KIAA1549L: variants seen among roughly 807,000 people sequenced by gnomAD.
KIAA1549L encodes the protein UPF0606 protein KIAA1549L.
Under a neutral mutation model 160.7 loss-of-function variants are expected in KIAA1549L, and 88 were observed. The observed-to-expected ratio is 0.55, with a 90% confidence interval of 0.46 to 0.65. The LOEUF (loss-of-function observed/expected upper bound fraction) is 0.65, where lower values mean the gene tolerates loss of function less well. KIAA1549L is among the 30% of genes least tolerant of loss of function. KIAA1549L has a pLI of 0.00. For synonymous variants in KIAA1549L, 950 were observed against 976.7 expected (o/e 0.97, Z 0.51); for missense variants, 2,258 against 2,437.5 (o/e 0.93, Z 1.55).
In KIAA1549L at chr11:33,543,074, T is replaced by C. The variant is rs370205351; in HGVS notation, c.1511T>C (p.Ile504Thr). Residue 504 changes from isoleucine (I) to threonine (T), a missense_variant, in exon 2 of 21, where the codon ATA becomes ACA. Transcript: ENST00000658780. ...ACTGGGACAGCCGACTTTCCCTCCA[T>C]ACTTACTTTCCTCCAGCCCACAGAG... Reference protein sequence around the residue: ...PSTGTADFPSILTFLQPTENH... With the variant: ...PSTGTADFPSTLTFLQPTENH... The C allele has an allele frequency of 4.0e-5, 64 of 1,613,786 alleles. No homozygotes were observed. The African/African-American group carries it at 7.1e-4, about 18-fold the overall frequency.
chr11:33,422,365 T>C (rs1276800725), intron 1 of KIAA1549L, among the ~76,000 whole-genome samples: 9 of 152,084 alleles, frequency 5.9e-5, no homozygotes, highest in Non-Finnish European at 1.2e-4. Context: ...TTCTTTCCCC[T>C]TTGTCACTTT....
At chr11:33,405,710 C>T (rs558558383) in intron 1 of KIAA1549L, among the ~76,000 whole-genome samples, 15 of 151,644 alleles carry the variant, frequency 9.9e-5, no homozygotes, top group East Asian at 9.7e-4. Context: ...GGCGTGGTGG[C>T]GGGCACCTGT....
rs1290786705 is a variant in KIAA1549L, at chr11:33,510,638, G to A, written c.239-31164G>A. 2.6e-5 allele frequency among the ~76,000 whole-genome samples: 4 copies of A among 152,380 alleles called. No homozygotes were observed. The East Asian group carries it at 7.7e-4, about 29-fold the overall frequency. Reference sequence around the variant, plus strand: ...AGGTAGCCCTGAAAGCAAAGGCATAGTGATGCTGGCGAGGACGTGGATATA... The same window carrying A: ...AGGTAGCCCTGAAAGCAAAGGCATAATGATGCTGGCGAGGACGTGGATATA... On this transcript the variant is annotated intron_variant, in intron 1 of 20. Transcript: ENST00000658780.
chr11:33,653,689 C>T (rs1851960938), intron 17 of KIAA1549L, among the ~76,000 whole-genome samples: 1 of 152,156 alleles, frequency 6.6e-6, no homozygotes, highest in Non-Finnish European at 1.5e-5. Context: ...TTTCCTTCTT[C>T]TCTCCTTTGG....
At chr11:33,428,454 C>T (rs1490288924) in intron 1 of KIAA1549L, among the ~76,000 whole-genome samples, 1 of 151,972 alleles carries the variant, frequency 6.6e-6, no homozygotes, top group Non-Finnish European at 1.5e-5. Flanking sequence ...CCTCCCCATC[C>T]CCCCGCCCAC....
At chr11:33,407,242 G>A (rs534955413) in intron 1 of KIAA1549L, among the ~76,000 whole-genome samples, 6 of 150,658 alleles carry the variant, frequency 4.0e-5, no homozygotes, top group East Asian at 2.0e-4. Context: ...CTGCCACCAC[G>A]CCCGGCTAAT....
intron 1 of KIAA1549L, among the ~76,000 whole-genome samples, chr11:33,541,571 C>G (rs1325738634): frequency 1.3e-5 from 2 of 152,204 alleles, no homozygotes; most frequent in African/African-American, 2.4e-5. Context: ...CAACATCTTG[C>G]CTTAAGCATC....
chr11:33,423,969 C>T (rs928297771), intron 1 of KIAA1549L, among the ~76,000 whole-genome samples: 4 of 151,986 alleles, frequency 2.6e-5, no homozygotes, highest in Non-Finnish European at 4.4e-5. Flanking sequence ...GTTGAGGCTG[C>T]CTTGAGCTGT....
chr11:33,440,993 A>G (rs990591807), intron 1 of KIAA1549L, among the ~76,000 whole-genome samples: 6 of 152,044 alleles, frequency 3.9e-5, no homozygotes, highest in African/African-American at 1.5e-4. Flanking sequence ...ATATGTATAC[A>G]TGTGCCATGT....
Position 33,574,730 on chromosome 11 carries a change from C to A in KIAA1549L, c.4259C>A (p.Pro1420Gln). 6.2e-7 allele frequency: 1 copy of A among 1,612,778 alleles called. No individual in the cohort carries two copies. Among genetic ancestry groups the A allele is most frequent in the South Asian group, 1.1e-5 (1 of 90,890 alleles). Reference sequence around the variant, plus strand: ...GTGAAGATGCAGCGTGTCCCAGGCCCGAAGGACCCAGCGGAGCTGACTTAC... The same window carrying A: ...GTGAAGATGCAGCGTGTCCCAGGCCAGAAGGACCCAGCGGAGCTGACTTAC... ...QMVKMQRVPG[P>Q]KDPAELTYYT... The change falls in exon 10 of 21, where the codon CCG becomes CAG. Residue 1420 changes from proline (P) to glutamine (Q), a missense_variant. Physicochemically the swap from Pro to Gln is moderately conservative, Grantham distance 76. Transcript: ENST00000658780.
intron 9 of KIAA1549L, among the ~76,000 whole-genome samples, chr11:33,570,918 CAG>C (rs1401476071): frequency 1.3e-5 from 2 of 152,122 alleles, no homozygotes; most frequent in Non-Finnish European, 1.5e-5. Context: ...CACTTTCAAA[CAG>C]AGCAACTGGG....
intron 1 of KIAA1549L, among the ~76,000 whole-genome samples, chr11:33,536,530 C>T (rs971371639): frequency 6.6e-6 from 1 of 152,044 alleles, no homozygotes; most frequent in Non-Finnish European, 1.5e-5. Context: ...ATCCCAAGAG[C>T]GAGCATTCCA....
chr11:33,382,966 G>A (rs1165760208), intron 1 of KIAA1549L, among the ~76,000 whole-genome samples: 1 of 152,154 alleles, frequency 6.6e-6, no homozygotes, highest in Non-Finnish European at 1.5e-5. Flanking sequence ...AAAGAAGAAA[G>A]TGTATTAAAT....
intron 1 of KIAA1549L, among the ~76,000 whole-genome samples, chr11:33,477,514 CACACAA>C (rs1217608534): frequency 3.0e-4 from 45 of 151,046 alleles, no homozygotes; most frequent in South Asian, 2.1e-3. Context: ...CACGCACACA[CACACAA>C]ACACACACAC....
chr11:33,594,911 A>G (rs1326830989), intron 12 of KIAA1549L, among the ~76,000 whole-genome samples: 1 of 152,224 alleles, frequency 6.6e-6, no homozygotes, highest in Non-Finnish European at 1.5e-5. Context: ...GCCAAATACA[A>G]CAAAGGCTTA....
At chr11:33,550,230 A>G (rs1590334311) in intron 4 of KIAA1549L, among the ~76,000 whole-genome samples, 1 of 151,982 alleles carries the variant, frequency 6.6e-6, no homozygotes, top group Admixed American at 6.5e-5. Context: ...AAAACTTGGA[A>G]AAAAAGGAGC....
chr11:33,401,651 T>C (rs1232335555), intron 1 of KIAA1549L, among the ~76,000 whole-genome samples: 1 of 152,064 alleles, frequency 6.6e-6, no homozygotes, highest in Non-Finnish European at 1.5e-5. Context: ...AGTCTTGACC[T>C]ACTGGGTTCA....
intron 1 of KIAA1549L, among the ~76,000 whole-genome samples, chr11:33,398,785 A>C (rs962036002): frequency 6.6e-6 from 1 of 152,204 alleles, no homozygotes; most frequent in East Asian, 1.9e-4. Flanking sequence ...ATTTGTAACC[A>C]TAATTCATCA....
chr11:33,481,700 AC>A, intron 1 of KIAA1549L, among the ~76,000 whole-genome samples: 1 of 152,320 alleles, frequency 6.6e-6, no homozygotes, highest in East Asian at 1.9e-4. Flanking sequence ...GGACAGACCC[AC>A]CCTCACTTTT....
Sources: allele counts gnomAD v4.1 joint callset (sites outside exome capture counted in the v4.1 genomes callset), GRCh38; gene constraint gnomAD v4.1.1; transcripts MANE v1.5; gene names NCBI Gene and HGNC (gene_info 2026-07-23, HGNC 2026-07-21).